Variants in ESR1 observed in about 807,000 individuals in gnomAD.
ESR1 encodes estrogen receptor.
Under a neutral mutation model 52.7 loss-of-function variants are expected in ESR1, and 12 were observed. The ratio of observed to expected loss-of-function variants is 0.23; its 90% CI spans 0.15 to 0.37. The LOEUF (loss-of-function observed/expected upper bound fraction) is 0.37, where lower values mean the gene tolerates loss of function less well. ESR1 is among the 10% of genes least tolerant of loss of function. The pLI is 1.00. For synonymous variants in ESR1, 305 were observed against 316.8 expected, an observed-to-expected ratio of 0.96 and a Z score of 0.39; for missense variants, 584 against 779.7, an observed-to-expected ratio of 0.75 and a Z score of 2.99.
chr6:152,084,905 G>A (rs1262265813), intron 6 of ESR1, among the ~76,000 whole-genome samples: 1 of 152,138 alleles, frequency 6.6e-6, no homozygotes, highest in Non-Finnish European at 1.5e-5. Flanking sequence ...CCTTGGTGGT[G>A]ATCAGACTAA....
chr6:151,856,134 A>T (rs1440998230), intron 2 of ESR1, among the ~76,000 whole-genome samples: 6 of 152,184 alleles, frequency 3.9e-5, no homozygotes. Context: ...TGAGTGATGT[A>T]CTATTTTAAC....
chr6:151,880,610 A>G (rs1792741756), intron 2 of ESR1, 45 bp from the exon 3 acceptor site: 1 of 1,173,766 alleles, frequency 8.5e-7, no homozygotes, highest in Non-Finnish European at 1.3e-6. Flanking sequence ...CTGACTGGCT[A>G]AGTTTCCTGA....
intron 6 of ESR1, among the ~76,000 whole-genome samples, chr6:152,079,155 T>C (rs184907380): frequency 1.3e-5 from 2 of 152,206 alleles, no homozygotes; most frequent in East Asian, 3.9e-4. Context: ...GTGTTCAAGC[T>C]CCAAGAACCA....
chr6:151,967,251 G>C (rs2038376074), intron 4 of ESR1, among the ~76,000 whole-genome samples: 1 of 152,014 alleles, frequency 6.6e-6, no homozygotes, highest in African/African-American at 2.4e-5. Flanking sequence ...TGTTACATAG[G>C]TATATACGTG....
intron 2 of ESR1, among the ~76,000 whole-genome samples, chr6:151,775,302 G>T (rs866854312): frequency 1.3e-5 from 2 of 152,058 alleles, no homozygotes; most frequent in Non-Finnish European, 2.9e-5. Flanking sequence ...TTTCATACCC[G>T]CTCAGTATCC....
chr6:151,944,637 A>G lies in ESR1; in HGVS notation c.1096+129A>G, dbSNP rs981284024. 71 of 794,170 alleles carry G rather than the reference A, an allele frequency of 8.9e-5. No individual in the cohort carries two copies. In the East Asian group the frequency reaches 1.9e-3, roughly 21 times the overall value. 49.2% of individuals were successfully genotyped at this position (794,170 alleles called of 1,614,324 possible). On this transcript the variant is annotated intron_variant, in intron 4 of 7. Coordinates refer to ENST00000206249, the MANE Select transcript of ESR1 (RefSeq NM_000125.4). Reference sequence around the variant, plus strand: ...GTAATTGGTTTCAAGGTTACAGGAGATGTGTTCATTTTCAGTATCAATACA... The same window carrying G: ...GTAATTGGTTTCAAGGTTACAGGAGGTGTGTTCATTTTCAGTATCAATACA...
intron 6 of ESR1, among the ~76,000 whole-genome samples, chr6:152,088,350 A>T (rs2049906389): frequency 6.6e-6 from 1 of 152,156 alleles, no homozygotes; most frequent in South Asian, 2.1e-4. Context: ...AAAACTAAAA[A>T]CTAACCAACC....
chr6:151,962,918 T>C (rs2037837705), intron 4 of ESR1, among the ~76,000 whole-genome samples: 1 of 152,210 alleles, frequency 6.6e-6, no homozygotes, highest in South Asian at 2.1e-4. Flanking sequence ...ATGTTTCTTA[T>C]AAATATATAT....
intron 1 of ESR1, among the ~76,000 whole-genome samples, chr6:151,669,238 G>T (rs1307425692): frequency 1.1e-4 from 15 of 135,150 alleles, no homozygotes; most frequent in Non-Finnish European, 1.8e-4. Context: ...CTGCATTGCG[G>T]CCCAGGCTGG....
At position 151,807,822 on chromosome 6, in the gene ESR1, C is replaced by A; in HGVS notation, c.-91C>A. ...ACATGCGCTGCGTCGCCTCTAACCT[C>A]GGGCTGTGCTCTTTTTCCAGGTGGC... On this transcript the variant is annotated 5_prime_UTR_variant, in exon 1 of 8. Transcript: ENST00000206249. 8.5e-7 allele frequency: 1 copy of A among 1,174,032 alleles called. No individual in the cohort carries two copies. The highest frequency in any genetic ancestry group is 1.2e-6 in the Non-Finnish European group (1 of 806,592). The allele number at this position is 1,174,032 out of a possible 1,614,324, so 72.7% of individuals were successfully genotyped here. A position where few individuals can be genotyped will look rare whatever the true frequency, so the allele number is the denominator to read the frequency against.
intron 4 of ESR1, among the ~76,000 whole-genome samples, chr6:151,979,972 A>G (rs2039835071): frequency 6.6e-6 from 1 of 152,236 alleles, no homozygotes; most frequent in Admixed American, 6.5e-5. Flanking sequence ...CAGATTTTCC[A>G]AATTGCATAA....
intron 2 of ESR1, among the ~76,000 whole-genome samples, chr6:151,785,519 C>T (rs1472160335): frequency 6.6e-6 from 1 of 152,174 alleles, no homozygotes; most frequent in Non-Finnish European, 1.5e-5. Context: ...TCCTACCTCA[C>T]ATGCTCTGAG....
intron 3 of ESR1, among the ~76,000 whole-genome samples, chr6:151,930,590 T>G (rs2033445088): frequency 6.6e-6 from 1 of 152,192 alleles, no homozygotes; most frequent in Admixed American, 6.5e-5. Flanking sequence ...TAAAATAAAT[T>G]TCCTTTTATT....
intron 4 of ESR1, among the ~76,000 whole-genome samples, chr6:151,953,460 T>C (rs748772708): frequency 8.5e-5 from 13 of 152,114 alleles, no homozygotes; most frequent in Non-Finnish European, 1.6e-4. Flanking sequence ...CGGTGGCTCA[T>C]GCCTGTAATC....
intron 5 of ESR1, among the ~76,000 whole-genome samples, chr6:152,021,944 C>T (rs1276984228): frequency 6.6e-6 from 1 of 152,148 alleles, no homozygotes; most frequent in Non-Finnish European, 1.5e-5. Flanking sequence ...TGAGGCCTCC[C>T]CAGCCATGTG....
chr6:151,825,910 C>CAAA lies in ESR1; in HGVS notation c.453-16668_453-16666dup, dbSNP rs3996305. 4.0e-3 allele frequency among the ~76,000 whole-genome samples: 313 copies of CAAA among 77,660 alleles called. 5 individuals are homozygous for CAAA. Among genetic ancestry groups the CAAA allele is most frequent in the Middle Eastern group, 8.1e-3 (1 of 124 alleles). The allele number at this position is 77,660 out of a possible 152,430, so 50.9% of individuals were successfully genotyped here. ...TGGGTGGCAGAGCAAGACTCCATCT[C>CAAA]AAAAAAAAAAAAAAAAAAAAAGAAA... On this transcript the variant is annotated intron_variant, in intron 1 of 7. Coordinates refer to ENST00000206249, the MANE Select transcript of ESR1 (RefSeq NM_000125.4).
chr6:152,073,292 C>T (rs927027709), intron 6 of ESR1, among the ~76,000 whole-genome samples: 2 of 152,132 alleles, frequency 1.3e-5, no homozygotes, highest in African/African-American at 4.8e-5. Flanking sequence ...CAGGTGTTGA[C>T]GAAGATCATG....
chr6:151,839,247 G>A (rs796507276), intron 1 of ESR1, among the ~76,000 whole-genome samples: 13 of 152,338 alleles, frequency 8.5e-5, no homozygotes, highest in African/African-American at 3.1e-4. Flanking sequence ...GGGATTAGGA[G>A]TGGCTGGTAA....
At chr6:151,951,408 T>C (rs1373900286) in intron 4 of ESR1, among the ~76,000 whole-genome samples, 1 of 152,264 alleles carries the variant, frequency 6.6e-6, no homozygotes, top group Non-Finnish European at 1.5e-5. Flanking sequence ...ACTCGTTTGA[T>C]TATTTTTTCC....
Sources: allele counts gnomAD v4.1 joint callset (sites outside exome capture counted in the v4.1 genomes callset), GRCh38; gene constraint gnomAD v4.1.1; transcripts MANE v1.5; gene names NCBI Gene and HGNC (gene_info 2026-07-23, HGNC 2026-07-21).